PTPRN2: variants seen among roughly 807,000 people sequenced by gnomAD.
The protein encoded by PTPRN2 is receptor-type tyrosine-protein phosphatase N2.
PTPRN2 carries 74 observed loss-of-function variants against 118.8 expected under a neutral mutation model. That is an observed-to-expected ratio of 0.62 (90% CI 0.52 to 0.76). PTPRN2 has a LOEUF of 0.76. PTPRN2 is among the 30% of genes least tolerant of loss of function. The pLI is 0.00. For missense variants in PTPRN2, 1,481 were observed against 1,394.4 expected (o/e 1.06, Z -0.99); for synonymous variants, 641 against 608.0 (o/e 1.05, Z -0.80).
At chr7:158,459,452 G>A (rs1818800852) in intron 2 of PTPRN2, among the ~76,000 whole-genome samples, 1 of 152,098 alleles carries the variant, frequency 6.6e-6, no homozygotes, top group African/African-American at 2.4e-5. Context: ...TGGGACGAAC[G>A]GGCTCCAGGG....
chr7:157,649,252 A>T (rs1197397842), intron 14 of PTPRN2, among the ~76,000 whole-genome samples: 8 of 94,946 alleles, frequency 8.4e-5, no homozygotes, highest in East Asian at 4.9e-4. Context: ...GGTTGGACCC[A>T]TTCACTGTGC....
At chr7:157,984,268 CCCCCCACGCCAGGCTCCA>C (rs1803554910) in intron 11 of PTPRN2, among the ~76,000 whole-genome samples, 1 of 38,614 alleles carries the variant, frequency 2.6e-5, no homozygotes, top group African/African-American at 8.6e-5. Context: ...CCAGGCTCCA[CCCCCCACGCCAGGCTCCA>C]CCCCATCCCA....
At chr7:158,412,960 A>G in intron 2 of PTPRN2, among the ~76,000 whole-genome samples, 1 of 129,054 alleles carries the variant, frequency 7.7e-6, no homozygotes, top group Non-Finnish European at 1.6e-5. Flanking sequence ...GGCCCATCTC[A>G]GCACCCTCCT....
intron 11 of PTPRN2, among the ~76,000 whole-genome samples, chr7:157,957,835 T>G (rs1003256854): frequency 2.6e-5 from 4 of 152,138 alleles, no homozygotes; most frequent in Admixed American, 2.6e-4. Context: ...TTAGCACCAC[T>G]CCTCCTCAAA....
chr7:157,677,017 C>T (rs1171424501), intron 13 of PTPRN2, among the ~76,000 whole-genome samples: 1 of 152,196 alleles, frequency 6.6e-6, no homozygotes, highest in African/African-American at 2.4e-5. Flanking sequence ...AGCACCCATC[C>T]TCCTCCCGGG....
At chr7:158,289,254 C>G (rs942811722) in intron 3 of PTPRN2, among the ~76,000 whole-genome samples, 1 of 152,122 alleles carries the variant, frequency 6.6e-6, no homozygotes, top group Admixed American at 6.6e-5. Flanking sequence ...TTTAAATATG[C>G]TTTCAGTCCC....
chr7:158,114,755 GC>G (rs1816589253), intron 9 of PTPRN2, among the ~76,000 whole-genome samples: 1 of 152,194 alleles, frequency 6.6e-6, no homozygotes, highest in South Asian at 2.1e-4. Flanking sequence ...GGGTAAGGGA[GC>G]CCCAGAAGGG....
At chr7:158,527,058 A>G (rs944484007) in intron 1 of PTPRN2, among the ~76,000 whole-genome samples, 1 of 152,188 alleles carries the variant, frequency 6.6e-6, no homozygotes, top group African/African-American at 2.4e-5. Flanking sequence ...CCCCAAGCAG[A>G]GTCGAGACGT....
chr7:158,251,848 A>G (rs547329619), intron 3 of PTPRN2, among the ~76,000 whole-genome samples: 1 of 152,292 alleles, frequency 6.6e-6, no homozygotes, highest in African/African-American at 2.4e-5. Context: ...GAGTATGCTC[A>G]GCACAGTAAG....
At chr7:157,592,204 C>T (rs974573506) in intron 17 of PTPRN2, among the ~76,000 whole-genome samples, 1 of 152,134 alleles carries the variant, frequency 6.6e-6, no homozygotes, top group Non-Finnish European at 1.5e-5. Flanking sequence ...CTAAAATAGC[C>T]CATAAGATGT....
chr7:158,313,376 A>T (rs1470888821), intron 3 of PTPRN2, among the ~76,000 whole-genome samples: 2 of 152,204 alleles, frequency 1.3e-5, no homozygotes, highest in Non-Finnish European at 2.9e-5. Flanking sequence ...GTGTCCCCAC[A>T]ATGCAGAAGA....
chr7:157,705,006 C>G (rs886413846), intron 12 of PTPRN2, among the ~76,000 whole-genome samples: 1 of 152,152 alleles, frequency 6.6e-6, no homozygotes, highest in Non-Finnish European at 1.5e-5. Flanking sequence ...GTGAGGTGAG[C>G]ACCATTAAAA....
intron 12 of PTPRN2, among the ~76,000 whole-genome samples, chr7:157,819,433 C>T (rs1003942945): frequency 6.6e-6 from 1 of 152,174 alleles, no homozygotes; most frequent in Non-Finnish European, 1.5e-5. Context: ...CCAGGGGCTG[C>T]GCAGAGGAAG....
chr7:158,060,384 G>T (rs1810230499), intron 11 of PTPRN2, among the ~76,000 whole-genome samples: 1 of 152,224 alleles, frequency 6.6e-6, no homozygotes, highest in Admixed American at 6.5e-5. Flanking sequence ...CGCCATCACA[G>T]GTCTCACTGT....
At chr7:157,882,925 A>C (rs372423783) in intron 12 of PTPRN2, among the ~76,000 whole-genome samples, 1 of 150,580 alleles carries the variant, frequency 6.6e-6, no homozygotes, top group Non-Finnish European at 1.5e-5. Context: ...ATACCACCCC[A>C]AAATTGACTG....
intron 2 of PTPRN2, among the ~76,000 whole-genome samples, chr7:158,396,423 CGTGT>C (rs533955794): frequency 6.6e-6 from 1 of 152,176 alleles, no homozygotes; most frequent in Non-Finnish European, 1.5e-5. Flanking sequence ...TACATGTGCA[CGTGT>C]GTGTGCATGA....
At chr7:158,538,606 C>T (rs561936498) in intron 1 of PTPRN2, among the ~76,000 whole-genome samples, 18 of 152,234 alleles carry the variant, frequency 1.2e-4, no homozygotes, top group South Asian at 4.1e-4. Flanking sequence ...CGCATCCCAG[C>T]GCCCTAGGCA....
intron 6 of PTPRN2, among the ~76,000 whole-genome samples, chr7:158,160,844 A>G (rs1169189635): frequency 6.6e-6 from 1 of 152,238 alleles, no homozygotes; most frequent in Admixed American, 6.5e-5. Context: ...CTGCAAAAAT[A>G]CGAATGTTAT....
intron 11 of PTPRN2, among the ~76,000 whole-genome samples, chr7:157,982,840 C>T (rs1324443145): frequency 4.8e-5 from 6 of 124,056 alleles, no homozygotes; most frequent in South Asian, 3.0e-4. Flanking sequence ...CCCCGAGTCA[C>T]AGAGATGAGG....
Sources: allele counts gnomAD v4.1 joint callset (sites outside exome capture counted in the v4.1 genomes callset), GRCh38; gene constraint gnomAD v4.1.1; transcripts MANE v1.5; gene names NCBI Gene and HGNC (gene_info 2026-07-23, HGNC 2026-07-21).